ALDH4A1: variants seen among roughly 807,000 people sequenced by gnomAD.
ALDH4A1 encodes the protein delta-1-pyrroline-5-carboxylate dehydrogenase, mitochondrial.
ALDH4A1 carries 46 observed loss-of-function variants against 70.5 expected under a neutral mutation model. That is an observed-to-expected ratio of 0.65 (90% CI 0.51 to 0.83). The LOEUF (loss-of-function observed/expected upper bound fraction) is 0.83, where lower values mean the gene tolerates loss of function less well. ALDH4A1 is among the 40% of genes least tolerant of loss of function. ALDH4A1 has a pLI of 0.00. For missense variants in ALDH4A1, 749 were observed against 766.5 expected, an observed-to-expected ratio of 0.98 and a Z score of 0.27; for synonymous variants, 323 against 324.3, an observed-to-expected ratio of 1.00 and a Z score of 0.04.
At chr1:18,886,201 C>A (rs1325960415) in intron 4 of ALDH4A1, among the ~76,000 whole-genome samples, 1 of 152,202 alleles carries the variant, frequency 6.6e-6, no homozygotes, top group Non-Finnish European at 1.5e-5. Flanking sequence ...GTCTGCCCCA[C>A]CACAATGGGC....
chr1:18,897,139 C>A (rs772151299), intron 1 of ALDH4A1: 2 of 513,084 alleles, frequency 3.9e-6, no homozygotes, highest in Non-Finnish European at 8.0e-6. Flanking sequence ...TGAGTGTCAA[C>A]GTGACGCTCA....
At chr1:18,894,616 G>A (rs1401060353) in intron 1 of ALDH4A1, among the ~76,000 whole-genome samples, 1 of 152,214 alleles carries the variant, frequency 6.6e-6, no homozygotes, top group Non-Finnish European at 1.5e-5. Context: ...CAGAGTCAGA[G>A]ATCCTGCAGG....
At chr1:18,882,815 G>C (rs529589515) in intron 7 of ALDH4A1, 3 of 597,854 alleles carry the variant, frequency 5.0e-6, no homozygotes, top group Non-Finnish European at 9.4e-6. Flanking sequence ...CCTGCTGCTG[G>C]ATGTGTCTCA....
At chr1:18,879,259 C>T in intron 9 of ALDH4A1, 41 bp downstream of exon 9, 1 of 1,559,994 alleles carries the variant, frequency 6.4e-7, no homozygotes, top group Non-Finnish European at 8.7e-7. Context: ...GGGGAGGGGT[C>T]CCTGGGGCCA....
intron 13 of ALDH4A1, 49 bp downstream of exon 13, chr1:18,875,333 G>A (rs6668941): frequency 0.027 from 43,876 of 1,613,152 alleles, 1,483 homozygotes; most frequent in African/African-American, 0.16. Flanking sequence ...ATGGGGACAC[G>A]GACAGGACAC....
intron 1 of ALDH4A1, among the ~76,000 whole-genome samples, chr1:18,894,336 T>A (rs984995857): frequency 6.6e-6 from 1 of 152,022 alleles, no homozygotes; most frequent in Non-Finnish European, 1.5e-5. Flanking sequence ...AGGTCAGGAG[T>A]TCGAGACCAG....
At chr1:18,877,829 G>C (rs1385925098) in intron 9 of ALDH4A1, among the ~76,000 whole-genome samples, 3 of 152,220 alleles carry the variant, frequency 2.0e-5, no homozygotes, top group African/African-American at 7.2e-5. Context: ...CTGAGGCCCA[G>C]GGAGGGGTGA....
At chr1:18,888,209 G>A (rs567313374) in intron 3 of ALDH4A1, among the ~76,000 whole-genome samples, 1 of 152,206 alleles carries the variant, frequency 6.6e-6, no homozygotes, top group Non-Finnish European at 1.5e-5. Flanking sequence ...GTCTAGGCTT[G>A]AGTAGAAAGT....
At chr1:18,879,839 C>T (rs867312484) in intron 8 of ALDH4A1, among the ~76,000 whole-genome samples, 6 of 152,178 alleles carry the variant, frequency 3.9e-5, no homozygotes, top group South Asian at 2.1e-4. Flanking sequence ...GAGGCCAAAC[C>T]GAGGAGAGTC....
intron 9 of ALDH4A1, among the ~76,000 whole-genome samples, chr1:18,878,544 G>C (rs1934824433): frequency 6.6e-6 from 1 of 152,056 alleles, no homozygotes; most frequent in Admixed American, 6.6e-5. Flanking sequence ...TCACGTGCTG[G>C]CTGCAACTCT....
At chr1:18,892,511 A>G (rs1194846219) in intron 1 of ALDH4A1, among the ~76,000 whole-genome samples, 2 of 151,214 alleles carry the variant, frequency 1.3e-5, no homozygotes, top group African/African-American at 4.9e-5. Flanking sequence ...GAGGGACTTA[A>G]AGGAGGCTTG....
intron 1 of ALDH4A1, among the ~76,000 whole-genome samples, chr1:18,901,544 G>A (rs1207145677): frequency 1.3e-5 from 2 of 152,166 alleles, no homozygotes; most frequent in East Asian, 1.9e-4. Context: ...CGAGCTGGAG[G>A]GGCTCTGAGA....
rs1287993003 is a variant in ALDH4A1, at chr1:18,874,511, T to C, written c.1531A>G (p.Thr511Ala). The C allele has an allele frequency of 6.2e-7, 1 of 1,614,198 alleles. No individual in the cohort carries two copies. Among genetic ancestry groups the C allele is most frequent in the Non-Finnish European group, 8.5e-7 (1 of 1,180,022 alleles). ...AGNFYINDKS[T>A]GSIVGQQPFG... ...GGCTGCTGGCCCACTATCGAGCCAG[T>C]GGACTTGTCGTTGATGTAGAAGTTG... Residue 511 changes from threonine to alanine, a missense_variant, in exon 14 of 15, where the codon ACT (threonine) becomes GCT (alanine). By Grantham distance (58) the Thr-to-Ala change is moderately conservative. Coordinates refer to ENST00000375341, the MANE Select transcript of ALDH4A1 (RefSeq NM_003748.4).
intron 11 of ALDH4A1, among the ~76,000 whole-genome samples, 194 bp from the exon 12 acceptor site, chr1:18,876,661 C>CTGTGTGTGTGTATGTGTGTGAGTG (rs1553153211): frequency 1.4e-5 from 2 of 146,732 alleles, no homozygotes; most frequent in African/African-American, 5.0e-5. Context: ...GACATGAACA[C>CTGTGTGTGTGTATGTGTGTGAGTG]TGTGTGTGTG....
intron 1 of ALDH4A1, 66 bp from the exon 2 acceptor site, chr1:18,890,171 C>T: frequency 2.2e-6 from 3 of 1,346,792 alleles, no homozygotes. Flanking sequence ...AGACCCCAGC[C>T]CCTCTACCTC....
chr1:18,885,664 G>A (rs754962412), intron 4 of ALDH4A1, 36 bp from the exon 5 acceptor site: 5 of 1,613,082 alleles, frequency 3.1e-6, no homozygotes, highest in Non-Finnish European at 4.2e-6. Flanking sequence ...ACTGCCACCT[G>A]CAGCGGGAAA....
chr1:18,881,828 G>A lies in ALDH4A1; in HGVS notation c.738C>T (p.Tyr246=), dbSNP rs1027557614. 6.2e-7 allele frequency: 1 copy of A among 1,613,936 alleles called. No individual in the cohort carries two copies. Among genetic ancestry groups the A allele is most frequent in the Non-Finnish European group, 8.5e-7 (1 of 1,180,040 alleles). Residue 246 remains tyrosine (Y), a synonymous_variant, in exon 8 of 15, where the codon TAC becomes TAT. Transcript: ENST00000375341. ...GCAGGCCAGCCTCCCGAAGGATGCGGTAGACAGCATAGCTGGCCAGCATGG... is the reference window on the plus strand; with the variant it reads ...GCAGGCCAGCCTCCCGAAGGATGCGATAGACAGCATAGCTGGCCAGCATGG... ...DTAMLASYAV[Y]RILREAGLPP... is the part of the protein sequence containing the mutation.
intron 9 of ALDH4A1, among the ~76,000 whole-genome samples, chr1:18,878,403 G>T (rs1557613511): frequency 6.6e-6 from 1 of 152,080 alleles, no homozygotes. Context: ...AGCTGACCCT[G>T]AGGAGCGCTC....
At chr1:18,893,864 T>C (rs79790379) in intron 1 of ALDH4A1, among the ~76,000 whole-genome samples, 1 of 152,220 alleles carries the variant, frequency 6.6e-6, no homozygotes, top group Non-Finnish European at 1.5e-5. Flanking sequence ...GCCTCTTTCC[T>C]CCGCACCTTA....
Sources: gnomAD v4.1 joint callset for allele counts (sites outside exome capture counted in the v4.1 genomes callset) on GRCh38, gnomAD v4.1.1 for gene constraint, MANE v1.5 for transcripts, NCBI Gene and HGNC (gene_info 2026-07-23, HGNC 2026-07-21) for gene names.